Variants in ADAMTS6 observed in about 807,000 individuals in gnomAD.
ADAMTS6 encodes ADAM metallopeptidase with thrombospondin type 1 motif 6.
ADAMTS6 carries 23 observed loss-of-function variants against 144.3 expected under a neutral mutation model. That is an observed-to-expected ratio of 0.16 (90% CI 0.11 to 0.23). The LOEUF (loss-of-function observed/expected upper bound fraction) is 0.23, where lower values mean the gene tolerates loss of function less well. ADAMTS6 is among the 10% of genes least tolerant of loss of function. The probability of loss-of-function intolerance (pLI) is 1.00; values close to 1 mark genes in which losing one functional copy is unlikely to be tolerated. For synonymous variants in ADAMTS6, 444 were observed against 457.5 expected (o/e 0.97, Z 0.38); for missense variants, 999 against 1,379.6 (o/e 0.72, Z 4.37).
intron 16 of ADAMTS6, among the ~76,000 whole-genome samples, chr5:65,225,548 G>A (rs116536360): frequency 0.036 from 5,410 of 152,218 alleles, 124 homozygotes; most frequent in Non-Finnish European, 0.049. Context: ...GCATGGATTT[G>A]CTCCTACAAT....
chr5:65,359,769 G>T (rs909824833), intron 7 of ADAMTS6, among the ~76,000 whole-genome samples: 1 of 151,878 alleles, frequency 6.6e-6, no homozygotes. Flanking sequence ...GGCACAGAGA[G>T]ACAAATACTG....
chr5:65,266,261 C>T (rs1182882703), intron 12 of ADAMTS6, among the ~76,000 whole-genome samples: 2 of 151,830 alleles, frequency 1.3e-5, no homozygotes, highest in Non-Finnish European at 2.9e-5. Context: ...ATATTCACTT[C>T]GTAAAATGCT....
At chr5:65,463,492 A>C (rs1759775511) in intron 3 of ADAMTS6, among the ~76,000 whole-genome samples, 1 of 152,170 alleles carries the variant, frequency 6.6e-6, no homozygotes, top group Admixed American at 6.5e-5. Context: ...AAATCTATGC[A>C]TGCCTGGCAA....
rs552434790 is a variant in ADAMTS6, at chr5:65,370,556, C to T, written c.1074-36471G>A. On this transcript the variant is annotated intron_variant, in intron 7 of 24. Coordinates refer to ENST00000381055, the MANE Select transcript of ADAMTS6 (RefSeq NM_197941.4). ...TCGGGTCACTCCCACCCAAATACCG[C>T]GCTTTTCCGACGGGCTTAAAAAATG... 1.9e-3 allele frequency among the ~76,000 whole-genome samples: 297 copies of T among 152,316 alleles called. 1 individual carries two copies. Among genetic ancestry groups the T allele is most frequent in the Non-Finnish European group, 3.0e-3 (207 of 68,022 alleles).
chr5:65,383,281 A>C (rs1294458118), intron 7 of ADAMTS6, among the ~76,000 whole-genome samples: 1 of 152,140 alleles, frequency 6.6e-6, no homozygotes, highest in Non-Finnish European at 1.5e-5. Flanking sequence ...TCAAAAGTCT[A>C]AAGTCATCAA....
At chr5:65,471,278 A>C in intron 2 of ADAMTS6, 136 bp from the exon 3 acceptor site, 1 of 810,336 alleles carries the variant, frequency 1.2e-6, no homozygotes, top group South Asian at 2.9e-5. Context: ...AGGTATGTAC[A>C]AAAAAAGTTA....
At chr5:65,336,121 A>G (rs1747282584) in intron 7 of ADAMTS6, among the ~76,000 whole-genome samples, 1 of 152,110 alleles carries the variant, frequency 6.6e-6, no homozygotes, top group African/African-American at 2.4e-5. Context: ...TAGTTTGTAT[A>G]GTAGAGAAGG....
chr5:65,466,000 A>C (rs1759968194), intron 3 of ADAMTS6, among the ~76,000 whole-genome samples: 1 of 152,224 alleles, frequency 6.6e-6, no homozygotes. Flanking sequence ...TCTGAACTCC[A>C]GACTGACATA....
At chr5:65,227,296 A>G (rs549986694) in intron 15 of ADAMTS6, among the ~76,000 whole-genome samples, 1 of 152,342 alleles carries the variant, frequency 6.6e-6, no homozygotes, top group Non-Finnish European at 1.5e-5. Context: ...AGTTAAAAAT[A>G]GGCTTAGGTA....
intron 15 of ADAMTS6, among the ~76,000 whole-genome samples, chr5:65,241,217 A>G (rs1220078278): frequency 6.7e-6 from 1 of 149,104 alleles, no homozygotes; most frequent in African/African-American, 2.5e-5. Context: ...TTATCTTAAG[A>G]GTATATTTCC....
At chr5:65,368,928 C>G (rs1750561765) in intron 7 of ADAMTS6, among the ~76,000 whole-genome samples, 1 of 152,136 alleles carries the variant, frequency 6.6e-6, no homozygotes, top group Non-Finnish European at 1.5e-5. Context: ...TGGTAGCACA[C>G]ACCTGTAGTC....
chr5:65,175,217 A>G (rs1355900661), intron 22 of ADAMTS6, among the ~76,000 whole-genome samples: 1 of 151,952 alleles, frequency 6.6e-6, no homozygotes, highest in African/African-American at 2.4e-5. Context: ...AAAAAGGGGC[A>G]AAGAGAGAGA....
At chr5:65,338,872 C>A (rs996665293) in intron 7 of ADAMTS6, among the ~76,000 whole-genome samples, 2 of 152,116 alleles carry the variant, frequency 1.3e-5, no homozygotes, top group African/African-American at 4.8e-5. Flanking sequence ...GACTTGCCAC[C>A]AAGCCAGCTG....
At chr5:65,343,140 T>A (rs913062095) in intron 7 of ADAMTS6, among the ~76,000 whole-genome samples, 1 of 152,110 alleles carries the variant, frequency 6.6e-6, no homozygotes, top group African/African-American at 2.4e-5. Context: ...AATGTACGGA[T>A]TTAATGTAAT....
At chr5:65,265,089 T>A (rs964088053) in intron 12 of ADAMTS6, among the ~76,000 whole-genome samples, 1 of 152,194 alleles carries the variant, frequency 6.6e-6, no homozygotes, top group African/African-American at 2.4e-5. Flanking sequence ...TGAGCAATTA[T>A]TTGTCTATAA....
chr5:65,285,785 A>C (rs1763317405), intron 11 of ADAMTS6, among the ~76,000 whole-genome samples: 1 of 152,196 alleles, frequency 6.6e-6, no homozygotes, highest in South Asian at 2.1e-4. Context: ...TTGTTAGAAA[A>C]GGCCTCATTT....
chr5:65,244,926 C>T (rs573548442), intron 14 of ADAMTS6, among the ~76,000 whole-genome samples: 16 of 152,234 alleles, frequency 1.1e-4, no homozygotes, highest in South Asian at 1.0e-3. Flanking sequence ...TTCCAAATTA[C>T]GTTTTTTCTC....
intron 7 of ADAMTS6, among the ~76,000 whole-genome samples, chr5:65,384,118 G>A (rs958546060): frequency 3.9e-5 from 6 of 152,226 alleles, no homozygotes; most frequent in East Asian, 1.9e-4. Context: ...TCATTCTTTC[G>A]TTGTCTTGAT....
chr5:65,152,776 G>T (rs1752204361), intron 24 of ADAMTS6, among the ~76,000 whole-genome samples: 1 of 152,132 alleles, frequency 6.6e-6, no homozygotes, highest in African/African-American at 2.4e-5. Flanking sequence ...ACTCCCCCTG[G>T]CTCCATACAA....
Sources: gnomAD v4.1 joint callset for allele counts (sites outside exome capture counted in the v4.1 genomes callset) on GRCh38, gnomAD v4.1.1 for gene constraint, MANE v1.5 for transcripts, NCBI Gene and HGNC (gene_info 2026-07-23, HGNC 2026-07-21) for gene names.